The following CAST variants were observed in gnomAD, a reference collection of about 807,000 sequenced individuals.
CAST encodes the protein MIR583 host.
Under a neutral mutation model 119.6 loss-of-function variants are expected in CAST, and 76 were observed. The ratio of observed to expected loss-of-function variants is 0.64; its 90% CI spans 0.53 to 0.77. The LOEUF (loss-of-function observed/expected upper bound fraction) is 0.77, where lower values mean the gene tolerates loss of function less well. Among genes scored for constraint, CAST ranks in the 30% least tolerant of loss-of-function variants. The pLI, the probability that CAST is intolerant of heterozygous loss-of-function variation, is 0.00. For missense variants in CAST, 953 were observed against 946.5 expected, an observed-to-expected ratio of 1.01 and a Z score of -0.09; for synonymous variants, 319 against 331.6, an observed-to-expected ratio of 0.96 and a Z score of 0.41.
the CAST span, among the ~76,000 whole-genome samples, chr5:96,316,330 A>G: frequency 6.6e-6 from 1 of 152,186 alleles, no homozygotes; most frequent in African/African-American, 2.4e-5. Flanking sequence ...CCTGAGCTGA[A>G]GCATAGCTAG....
At chr5:96,769,483 A>G (rs190001456) in intron 29 of CAST, 45 of 149,590 alleles carry the variant, frequency 3.0e-4, no homozygotes, top group African/African-American at 1.0e-3. Flanking sequence ...TTTATTGTGT[A>G]TATTTGAGGT....
the CAST span, among the ~76,000 whole-genome samples, chr5:96,487,556 C>A: frequency 6.6e-6 from 1 of 152,178 alleles, no homozygotes. Context: ...TATTCTCAGA[C>A]ACTAACTGAA....
intron 3 of CAST, among the ~76,000 whole-genome samples, chr5:96,708,762 A>G (rs1335910819): frequency 6.6e-6 from 1 of 152,046 alleles, no homozygotes; most frequent in Non-Finnish European, 1.5e-5. Flanking sequence ...CTTCACCTCT[A>G]TTTCTTTCTT....
At chr5:95,973,913 G>A in the CAST span, among the ~76,000 whole-genome samples, 1 of 151,928 alleles carries the variant, frequency 6.6e-6, no homozygotes, top group Non-Finnish European at 1.5e-5. Context: ...ACTTCTTGTA[G>A]CCTTTCCCTG....
intron 3 of CAST, among the ~76,000 whole-genome samples, chr5:96,706,593 A>G (rs561085958): frequency 6.6e-6 from 1 of 152,348 alleles, no homozygotes; most frequent in East Asian, 1.9e-4. Flanking sequence ...GCAGATCCTA[A>G]TGACTGAGAT....
chr5:96,435,761 G>C, the CAST span, among the ~76,000 whole-genome samples: 1 of 152,172 alleles, frequency 6.6e-6, no homozygotes, highest in Admixed American at 6.5e-5. Flanking sequence ...CAACTGCCCA[G>C]TGATACAGCT....
At chr5:96,323,525 A>T in the CAST span, among the ~76,000 whole-genome samples, 6 of 152,190 alleles carry the variant, frequency 3.9e-5, no homozygotes. Context: ...TTTATTTTTC[A>T]TTGCTATTTT....
chr5:96,365,985 T>G, the CAST span, among the ~76,000 whole-genome samples: 4 of 152,212 alleles, frequency 2.6e-5, no homozygotes, highest in Non-Finnish European at 5.9e-5. Flanking sequence ...CTTTCCATGT[T>G]TAGTGCTTCC....
At chr5:96,166,735 G>A in the CAST span, among the ~76,000 whole-genome samples, 1 of 152,098 alleles carries the variant, frequency 6.6e-6, no homozygotes, top group South Asian at 2.1e-4. Context: ...CAAGAAGCTG[G>A]ATCATACAGG....
the CAST span, among the ~76,000 whole-genome samples, chr5:96,501,972 A>G: frequency 6.6e-6 from 1 of 152,244 alleles, no homozygotes; most frequent in Admixed American, 6.5e-5. Flanking sequence ...ATATACCTAC[A>G]ACAACAAAGT....
Position 96,702,769 on chromosome 5 carries a change from C to A in CAST, c.210+6862C>A, listed in dbSNP as rs1055640512. ...GGGCAGGGGGGCGGGGAGCATCCTG[C>A]GTCGCCTTCCCGGGACCGCCCCGCC... On this transcript the variant is annotated intron_variant, in intron 3 of 31. Coordinates refer to ENST00000675179, the MANE Select transcript of CAST (RefSeq NM_001750.7). 3.0e-6 allele frequency: 3 copies of A among 985,282 alleles called. No individual in the cohort carries two copies. The Admixed American group carries it at 1.8e-4, about 61-fold the overall frequency. The allele number at this position is 985,282 out of a possible 1,614,324, so 61.0% of individuals were successfully genotyped here.
In CAST at chr5:96,672,706, CAAAAAAAAAAA is replaced by C. The variant is rs11427288; in HGVS notation, c.76-2820_76-2810del. On this transcript the variant is annotated intron_variant, in intron 1 of 31. Transcript: ENST00000675179. ...TGGGTGACAGAGTGAGACTCAGTCTCAAAAAAAAAAAAAAAAAAAAAAAGAACTGGAAAAAT... is the reference window on the plus strand; with the variant it reads ...TGGGTGACAGAGTGAGACTCAGTCTCAAAAAAAAAAAAGAACTGGAAAAAT... Among the ~76,000 whole-genome samples, 371 of 59,176 alleles carry C rather than the reference CAAAAAAAAAAA, an allele frequency of 6.3e-3. 1 individual carries two copies. The highest frequency in any genetic ancestry group is 0.022 in the African/African-American group (346 of 16,090). 38.8% of individuals were successfully genotyped at this position (59,176 alleles called of 152,430 possible). A position where few individuals can be genotyped will look rare whatever the true frequency, so the allele number is the denominator to read the frequency against.
the CAST span, among the ~76,000 whole-genome samples, chr5:96,131,450 C>CTAAAA: frequency 1.5e-4 from 22 of 151,496 alleles, no homozygotes; most frequent in African/African-American, 4.1e-4. Flanking sequence ...CACATACATA[C>CTAAAA]TAAAATAAAA....
intron 3 of CAST, among the ~76,000 whole-genome samples, chr5:96,721,270 T>C (rs1758205113): frequency 6.6e-6 from 1 of 152,154 alleles, no homozygotes; most frequent in African/African-American, 2.4e-5. Flanking sequence ...TATGTTTATA[T>C]GATTATTTTT....
chr5:96,617,701 A>G (rs1299579751), intron 1 of CAST, among the ~76,000 whole-genome samples: 1 of 145,866 alleles, frequency 6.9e-6, no homozygotes, highest in Non-Finnish European at 1.5e-5. Context: ...CTGAGGCAGG[A>G]TAATGGCGTG....
intron 1 of CAST, among the ~76,000 whole-genome samples, chr5:96,559,443 G>C (rs377559683): frequency 1.3e-5 from 2 of 152,156 alleles, no homozygotes; most frequent in African/African-American, 4.8e-5. Context: ...TGACATGATT[G>C]TATATCTAGA....
the CAST span, among the ~76,000 whole-genome samples, chr5:96,150,964 A>G: frequency 6.6e-6 from 1 of 152,170 alleles, no homozygotes; most frequent in Admixed American, 6.5e-5. Context: ...AAGAGCCACA[A>G]TCCACAACTA....
chr5:96,489,606 T>C, the CAST span, among the ~76,000 whole-genome samples: 7 of 152,204 alleles, frequency 4.6e-5, no homozygotes, highest in African/African-American at 1.7e-4. Flanking sequence ...GTAAAAGTTA[T>C]GTAGGACTCA....
At chr5:95,988,673 G>A in the CAST span, among the ~76,000 whole-genome samples, 2 of 152,094 alleles carry the variant, frequency 1.3e-5, no homozygotes, top group East Asian at 1.9e-4. Context: ...TGTTGGATGG[G>A]TTTCTTTACC....
Sources: allele counts gnomAD v4.1 joint callset (sites outside exome capture counted in the v4.1 genomes callset), GRCh38; gene constraint gnomAD v4.1.1; transcripts MANE v1.5; gene names NCBI Gene and HGNC (gene_info 2026-07-23, HGNC 2026-07-21).